The following OR5M3 variants were observed in gnomAD, a reference collection of about 807,000 sequenced individuals.
The protein encoded by OR5M3 is olfactory receptor 5M3.
For missense variants in OR5M3, 384 were observed against 378.6 expected, an observed-to-expected ratio of 1.01 and a Z score of -0.12; for synonymous variants, 129 against 131.3, an observed-to-expected ratio of 0.98 and a Z score of 0.12.
At chr11:56,472,818 TA>T (rs760932975) in intron 1 of OR5M3, among the ~76,000 whole-genome samples, 3 of 151,548 alleles carry the variant, frequency 2.0e-5, no homozygotes, top group Non-Finnish European at 4.4e-5. Flanking sequence ...GTATCCTAGT[TA>T]AAGTGTTCTG....
rs1295568306 is a variant in OR5M3, at chr11:56,470,535, T to C, written c.-38A>G. 3.4e-6 allele frequency: 4 copies of C among 1,188,188 alleles called. No homozygotes were observed. Among genetic ancestry groups the C allele is most frequent in the Non-Finnish European group, 4.7e-6 (4 of 848,782 alleles). The allele number at this position is 1,188,188 out of a possible 1,614,324, so 73.6% of individuals were successfully genotyped here. ...AAGTCAATATCAGTTACAAAACTTT[T>C]TGATAACTAAAATAAAATAAAGGAA... On this transcript the variant is annotated 5_prime_UTR_variant, in exon 2 of 2. Coordinates refer to ENST00000641993, the MANE Select transcript of OR5M3 (RefSeq NM_001004742.3).
In OR5M3 at chr11:56,470,235, T is replaced by C; in HGVS notation, c.263A>G (p.Lys88Arg). 3 of 1,613,840 alleles carry C rather than the reference T, an allele frequency of 1.9e-6. No homozygotes were observed. Among genetic ancestry groups the C allele is most frequent in the East Asian group, 2.2e-5 (1 of 44,872 alleles). Residue 88 changes from lysine (K) to arginine (R), a missense_variant, in exon 2 of 2, where the codon AAA becomes AGA. Transcript: ENST00000641993. Reference protein sequence around the residue: ...KMLENLLSDKKTITYAGCLVQ... With the variant: ...KMLENLLSDKRTITYAGCLVQ... ...TAAACAACCAGCATAAGTAATTGTT[T>C]TTTTATCTGATAACAGGTTTTCCAA...
intron 1 of OR5M3, among the ~76,000 whole-genome samples, chr11:56,471,777 A>G (rs953459470): frequency 1.3e-5 from 2 of 152,058 alleles, no homozygotes; most frequent in Non-Finnish European, 2.9e-5. Flanking sequence ...GAGCATTCAC[A>G]TTCTGCAGAA....
rs1167524944 is a variant in OR5M3 at position 56,469,971 on chromosome 11, T to C, written c.527A>G (p.Tyr176Cys). The C allele has an allele frequency of 2.5e-6, 4 of 1,613,538 alleles. No homozygotes were observed. Among genetic ancestry groups the C allele is most frequent in the Non-Finnish European group, 1.7e-6 (2 of 1,179,532 alleles). The part of the protein sequence containing the change: ...FCGKIEINHF[Y>C]CADPPLIKMA... ...TTTGATGAGAGGTGGATCTGCACAG[T>C]AGAAATGGTTGATCTCAATTTTTCC... The change falls in exon 2 of 2, where the codon TAC becomes TGC. Residue 176 changes from tyrosine to cysteine, a missense_variant. By Grantham distance (194) the Tyr-to-Cys change is radical. Coordinates refer to ENST00000641993, the MANE Select transcript of OR5M3 (RefSeq NM_001004742.3).
At chr11:56,473,189 G>T (rs1183833522) in intron 1 of OR5M3, 32 bp downstream of exon 1, 1 of 151,986 alleles carries the variant, frequency 6.6e-6, no homozygotes, top group Non-Finnish European at 1.5e-5. Context: ...AGCTCCATCT[G>T]ACAATTCCAG....
At position 56,469,350 on chromosome 11, in the gene OR5M3, C is replaced by T. The variant is rs983283308; in HGVS notation, c.*224G>A. On this transcript the variant is annotated 3_prime_UTR_variant, in exon 2 of 2. Coordinates refer to ENST00000641993, the MANE Select transcript of OR5M3 (RefSeq NM_001004742.3). ...CCCTTAGTACACCTATGAACTTTGG[C>T]ACACATCACAGTTTCAATTAACTTA... 4.1e-5 allele frequency: 15 copies of T among 363,352 alleles called. 1 individual carries two copies. The highest frequency in any genetic ancestry group is 2.0e-4 in the South Asian group (2 of 9,922). 22.5% of individuals were successfully genotyped at this position (363,352 alleles called of 1,614,324 possible). A position where few individuals can be genotyped will look rare whatever the true frequency, so the allele number is the denominator to read the frequency against.
In OR5M3 at chr11:56,470,148, G is replaced by C. The variant is rs371197471; in HGVS notation, c.350C>G (p.Ala117Gly). 1 of 1,605,732 alleles carries C rather than the reference G, an allele frequency of 6.2e-7. No homozygotes were observed. Among genetic ancestry groups the C allele is most frequent in the South Asian group, 1.1e-5 (1 of 90,956 alleles). The stretch of plus-strand genomic sequence containing the variant: ...CCCAATTGCCATGTATCTATCAAAG[G>C]CCATCGCAGCAAGAATAAAAATTTC... ...HVEIFILAAMAFDRYMAIGNP... is the reference protein window; with the variant it reads ...HVEIFILAAMGFDRYMAIGNP... Residue 117 changes from alanine to glycine, a missense_variant, in exon 2 of 2, where the codon GCC (alanine) becomes GGC (glycine). Physicochemically the swap from Ala to Gly is moderately conservative, Grantham distance 60. Transcript: ENST00000641993.
rs1853655649 is a variant in OR5M3 at position 56,470,425 on chromosome 11, AGAG to A, written c.70_72del (p.Leu24del). 1 of 1,613,218 alleles carries A rather than the reference AGAG, an allele frequency of 6.2e-7. No homozygotes were observed. The highest frequency in any genetic ancestry group is 2.2e-5 in the East Asian group (1 of 44,864). On this transcript the variant is annotated inframe_deletion, in exon 2 of 2. Transcript: ENST00000641993. Reference sequence around the variant, plus strand: ...TAGACCACAAGAAAGATGATGAAGAAGAGAACTTGCCATTCTCGACGGCTCGTT... The same window carrying A: ...TAGACCACAAGAAAGATGATGAAGAAAACTTGCCATTCTCGACGGCTCGTT...
At chr11:56,472,483 G>A (rs1217223016) in intron 1 of OR5M3, among the ~76,000 whole-genome samples, 2 of 151,946 alleles carry the variant, frequency 1.3e-5, no homozygotes, top group Non-Finnish European at 2.9e-5. Context: ...TTGTAGTGAC[G>A]GGTGATTCAG....
chr11:56,471,416 A>T (rs1001235970), intron 1 of OR5M3, among the ~76,000 whole-genome samples: 2 of 151,974 alleles, frequency 1.3e-5, no homozygotes, highest in African/African-American at 4.8e-5. Context: ...ATCATATAGG[A>T]AACTTCTTCT....
At position 56,469,454 on chromosome 11, in the gene OR5M3, T is replaced by C; in HGVS notation, c.*120A>G. ...TTATATTTTCTCAATTTGTACCACT[T>C]TTATTTTTCTTTTCAACCCACAGAA... On this transcript the variant is annotated 3_prime_UTR_variant, in exon 2 of 2. Coordinates refer to ENST00000641993, the MANE Select transcript of OR5M3 (RefSeq NM_001004742.3). 1 of 576,068 alleles carries C rather than the reference T, an allele frequency of 1.7e-6. No homozygotes were observed. The allele number at this position is 576,068 out of a possible 1,614,324, so 35.7% of individuals were successfully genotyped here.
At chr11:56,471,805 T>C (rs1359979424) in intron 1 of OR5M3, among the ~76,000 whole-genome samples, 1 of 152,070 alleles carries the variant, frequency 6.6e-6, no homozygotes, top group Non-Finnish European at 1.5e-5. Context: ...CAAATCTATC[T>C]AATAAGAATC....
intron 1 of OR5M3, among the ~76,000 whole-genome samples, chr11:56,471,598 C>T (rs559477261): frequency 1.3e-5 from 2 of 151,952 alleles, no homozygotes; most frequent in African/African-American, 4.8e-5. Context: ...TTACTGTACA[C>T]ATCATTCATT....
At position 56,469,642 on chromosome 11, in the gene OR5M3, T is replaced by C. The variant is rs767016222; in HGVS notation, c.856A>G (p.Met286Val). ...YTTVIPMLNP[M>V]IYSLRNKDVK... ...TCCTTGTTCCTCAGACTGTAGATCA[T>C]GGGATTCAACATGGGGATCACTGTG... is the stretch of plus-strand genomic sequence containing the variant. Residue 286 changes from methionine (M) to valine (V), a missense_variant, in exon 2 of 2, where the codon ATG (methionine) becomes GTG (valine). Physicochemically the swap from Met to Val is conservative, Grantham distance 21. Transcript: ENST00000641993. 2 of 1,557,576 alleles carry C rather than the reference T, an allele frequency of 1.3e-6. No homozygotes were observed. Among genetic ancestry groups the C allele is most frequent in the Admixed American group, 1.8e-5 (1 of 55,316 alleles).
At chr11:56,470,598 T>C (rs1053210269) in intron 1 of OR5M3, 57 bp from the exon 2 acceptor site, 3 of 658,800 alleles carry the variant, frequency 4.6e-6, no homozygotes, top group Non-Finnish European at 7.4e-6. Context: ...TACCTTCAGA[T>C]GCTCCCTTTA....
Position 56,469,803 on chromosome 11 carries a change from C to T in OR5M3, c.695G>A (p.Arg232Lys). 1 of 1,611,404 alleles carries T rather than the reference C, an allele frequency of 6.2e-7. No homozygotes were observed. The highest frequency in any genetic ancestry group is 8.5e-7 in the Non-Finnish European group (1 of 1,177,674). ...CCCACATGTGGAAAAGGCCTTCTGC[C>T]TTCCTTCTGCTGAGCGCATTCGCAG... Reference protein sequence around the residue: ...AILRMRSAEGRQKAFSTCGSH... With the variant: ...AILRMRSAEGKQKAFSTCGSH... The change falls in exon 2 of 2, where the codon AGG (arginine) becomes AAG (lysine). Residue 232 changes from arginine to lysine, a missense_variant. Arg to Lys is a conservative substitution (Grantham distance 26). Coordinates refer to ENST00000641993, the MANE Select transcript of OR5M3 (RefSeq NM_001004742.3).
At position 56,469,562 on chromosome 11, in the gene OR5M3, A is replaced by G. The variant is rs1276848147; in HGVS notation, c.*12T>C. 6.8e-7 allele frequency: 1 copy of G among 1,466,418 alleles called. No individual in the cohort carries two copies. The allele number at this position is 1,466,418 out of a possible 1,614,324, so 90.8% of individuals were successfully genotyped here. On this transcript the variant is annotated 3_prime_UTR_variant, in exon 2 of 2. Coordinates refer to ENST00000641993, the MANE Select transcript of OR5M3 (RefSeq NM_001004742.3). ...AGAAGATAAAATTAAATCAAATTTGATTTTATTTTGTTTAACATGATCTGC... is the reference window on the plus strand; with the variant it reads ...AGAAGATAAAATTAAATCAAATTTGGTTTTATTTTGTTTAACATGATCTGC...
At chr11:56,470,772 A>G (rs1333805765) in intron 1 of OR5M3, among the ~76,000 whole-genome samples, 1 of 152,064 alleles carries the variant, frequency 6.6e-6, no homozygotes, top group Non-Finnish European at 1.5e-5. Context: ...GTGAGTAGTC[A>G]TATTTCCAAG....
In OR5M3 at chr11:56,470,067, G is replaced by A. The variant is rs1203208234; in HGVS notation, c.431C>T (p.Thr144Ile). Reference protein sequence around the residue: ...MSRVVCIRLITFPYIYGFLTS... With the variant: ...MSRVVCIRLIIFPYIYGFLTS... ...CAGAAAACCATAAATGTAAGGGAAAGTAATCAGTCGAATACAGACAACCCT... is the reference window on the plus strand; with the variant it reads ...CAGAAAACCATAAATGTAAGGGAAAATAATCAGTCGAATACAGACAACCCT... The change falls in exon 2 of 2, where the codon ACT becomes ATT. Residue 144 changes from threonine (T) to isoleucine (I), a missense_variant. Thr to Ile is a moderately conservative substitution (Grantham distance 89, BLOSUM62 -1). Coordinates refer to ENST00000641993, the MANE Select transcript of OR5M3 (RefSeq NM_001004742.3). The A allele has an allele frequency of 2.2e-5, 35 of 1,609,166 alleles. No homozygotes were observed. Among genetic ancestry groups the A allele is most frequent in the Non-Finnish European group, 2.8e-5 (33 of 1,175,718 alleles).
Sources: gnomAD v4.1 joint callset for allele counts (sites outside exome capture counted in the v4.1 genomes callset) on GRCh38, gnomAD v4.1.1 for gene constraint, MANE v1.5 for transcripts, NCBI Gene and HGNC (gene_info 2026-07-23, HGNC 2026-07-21) for gene names.